The following BIRC6 variants were observed in gnomAD, a reference collection of about 807,000 sequenced individuals.
BIRC6 encodes the protein baculoviral IAP repeat containing 6.
BIRC6 carries 98 observed loss-of-function variants against 503.3 expected under a neutral mutation model. The ratio of observed to expected loss-of-function variants is 0.19; its 90% CI spans 0.17 to 0.23. The LOEUF (loss-of-function observed/expected upper bound fraction) is 0.23. Among genes scored for constraint, BIRC6 ranks in the 10% least tolerant of loss-of-function variants. The probability of loss-of-function intolerance (pLI) is 1.00; values close to 1 mark genes in which losing one functional copy is unlikely to be tolerated. For synonymous variants in BIRC6, 2,240 were observed against 2,078.7 expected (o/e 1.08, Z -2.11); for missense variants, 5,360 against 5,806.0 (o/e 0.92, Z 2.50).
At chr2:32,377,211 A>ATGTGTGTGTG (rs1288542523) in intron 1 of BIRC6, among the ~76,000 whole-genome samples, 6 of 138,218 alleles carry the variant, frequency 4.3e-5, no homozygotes, top group African/African-American at 1.7e-4. Context: ...CCCTTAATAT[A>ATGTGTGTGTG]TATGTGTGTG....
At chr2:32,391,380 G>T (rs1294458676) in intron 4 of BIRC6, among the ~76,000 whole-genome samples, 1 of 151,956 alleles carries the variant, frequency 6.6e-6, no homozygotes, top group East Asian at 1.9e-4. Context: ...TGTTTTATTG[G>T]GTAATATAAC....
chr2:32,563,277 T>TATCAGTATAAATTCTGATTTTTC lies in BIRC6; in HGVS notation c.13145-11877_13145-11855dup, dbSNP rs1217535959. On this transcript the variant is annotated intron_variant, in intron 65 of 73. Coordinates refer to ENST00000421745, the MANE Select transcript of BIRC6 (RefSeq NM_016252.4). ...ATCTTTGGGTACCTGGCTATATTTT[T>TATCAGTATAAATTCTGATTTTTC]ATCAGTATAAATTCTGATTTTTCAA... is the stretch of plus-strand genomic sequence containing the variant. The TATCAGTATAAATTCTGATTTTTC allele has an allele frequency of 2.0e-5, 3 of 152,310 alleles. No homozygotes were observed. The East Asian group carries it at 5.8e-4, about 29-fold the overall frequency. The allele number at this position is 152,310 out of a possible 1,614,324, so 9.4% of individuals were successfully genotyped here.
intron 65 of BIRC6, among the ~76,000 whole-genome samples, chr2:32,573,878 A>T (rs1364443818): frequency 6.6e-6 from 1 of 152,198 alleles, no homozygotes; most frequent in African/African-American, 2.4e-5. Context: ...CTTCATACTG[A>T]TAAATATGTT....
intron 65 of BIRC6, chr2:32,557,564 A>C (rs1248145366): frequency 2.0e-5 from 3 of 152,222 alleles, no homozygotes; most frequent in African/African-American, 7.2e-5. Flanking sequence ...AGCATCATAT[A>C]GTAATTGCTC....
chr2:32,367,579 G>A (rs1409721054), intron 1 of BIRC6, among the ~76,000 whole-genome samples: 1 of 152,102 alleles, frequency 6.6e-6, no homozygotes, highest in East Asian at 1.9e-4. Flanking sequence ...CCCAGCACTT[G>A]TGGGGCCAGG....
intron 46 of BIRC6, among the ~76,000 whole-genome samples, chr2:32,501,221 G>A (rs974807140): frequency 1.3e-5 from 2 of 152,046 alleles, no homozygotes; most frequent in African/African-American, 4.8e-5. Flanking sequence ...TTCTTTGTCA[G>A]TGTGTGAGAA....
chr2:32,609,207 A>G (rs2062682281), intron 72 of BIRC6, among the ~76,000 whole-genome samples: 1 of 152,090 alleles, frequency 6.6e-6, no homozygotes, highest in South Asian at 2.1e-4. Context: ...TTTAGGAAAA[A>G]AATTGGATGA....
chr2:32,396,945 C>T (rs1196807082), intron 6 of BIRC6, among the ~76,000 whole-genome samples: 3 of 152,030 alleles, frequency 2.0e-5, no homozygotes, highest in African/African-American at 4.8e-5. Flanking sequence ...CCAGGTTGGT[C>T]TCGAACTCCT....
rs995852318 is a variant in BIRC6 at position 32,382,289 on chromosome 2, A to G, written c.645+1999A>G. ...CTGGGACTCAGATCTCTGAAGAGAG[A>G]TGCTACTTGACTGATGGTAGTACCT... On this transcript the variant is annotated intron_variant, in intron 3 of 73. Coordinates refer to ENST00000421745, the MANE Select transcript of BIRC6 (RefSeq NM_016252.4). 3.3e-5 allele frequency among the ~76,000 whole-genome samples: 5 copies of G among 152,292 alleles called. No individual in the cohort carries two copies. The South Asian group carries it at 8.3e-4, about 25-fold the overall frequency.
Position 32,388,734 on chromosome 2 carries a change from T to G in BIRC6, c.646-16T>G. The G allele has an allele frequency of 2.6e-6, 4 of 1,557,284 alleles. No homozygotes were observed. The South Asian group carries it at 3.7e-5, about 14-fold the overall frequency. On this transcript the variant is annotated splice_polypyrimidine_tract_variant and intron_variant, in intron 3 of 73. Transcript: ENST00000421745. ...TGAGTACATTTTCCTTTGCTTATAC[T>G]CCCATTTTCTTTCAGTGGGCCACAG... is the stretch of plus-strand genomic sequence containing the variant.
chr2:32,552,006 C>T (rs577605413), intron 65 of BIRC6, among the ~76,000 whole-genome samples: 1 of 152,254 alleles, frequency 6.6e-6, no homozygotes, highest in South Asian at 2.1e-4. Context: ...ACATAATAGC[C>T]TTTTCTGAGA....
In BIRC6 at chr2:32,394,355, G is replaced by C. The variant is rs189389180; in HGVS notation, c.952-1156G>C. Among the ~76,000 whole-genome samples the C allele has an allele frequency of 1.9e-3, 287 of 152,032 alleles. 1 individual carries two copies. The highest frequency in any genetic ancestry group is 6.7e-3 in the African/African-American group (279 of 41,460). On this transcript the variant is annotated intron_variant, in intron 5 of 73. Transcript: ENST00000421745. The stretch of plus-strand genomic sequence containing the variant: ...AATATTAGTTTTCAGGTATATTTCA[G>C]TTCAGGTTTTGAAAATATATACATA...
chr2:32,371,444 A>G (rs1351521829), intron 1 of BIRC6, among the ~76,000 whole-genome samples: 3 of 151,322 alleles, frequency 2.0e-5, no homozygotes, highest in Non-Finnish European at 4.4e-5. Flanking sequence ...GTGCAATCTC[A>G]GCTCACTGCA....
chr2:32,378,736 C>T (rs1166234628), intron 2 of BIRC6, among the ~76,000 whole-genome samples: 5 of 152,172 alleles, frequency 3.3e-5, no homozygotes, highest in Admixed American at 2.0e-4. Flanking sequence ...GGATTATAGG[C>T]GTGAGCCACC....
rs2048906960 is a variant in BIRC6 at position 32,469,564 on chromosome 2, C to A, written c.6297C>A (p.Val2099=). The change falls in exon 30 of 74, where the codon GTC becomes GTA. Residue 2099 remains valine, a synonymous_variant. Transcript: ENST00000421745. The stretch of plus-strand genomic sequence containing the variant: ...GGTGGGGTCAATTTCTTTCTAATGT[C>A]CTTCAGGAATTGTACAATTCGGAAC... ...ERWWGQFLSN[V]LQELYNSEQL... 1 of 1,613,724 alleles carries A rather than the reference C, an allele frequency of 6.2e-7. No individual in the cohort carries two copies. The highest frequency in any genetic ancestry group is 1.3e-5 in the African/African-American group (1 of 74,886).
intron 20 of BIRC6, among the ~76,000 whole-genome samples, 170 bp downstream of exon 20, chr2:32,443,758 G>A (rs527377880): frequency 2.2e-4 from 33 of 152,242 alleles, no homozygotes; most frequent in African/African-American, 7.9e-4. Context: ...CATATACTCC[G>A]TCAATAGTAC....
At chr2:32,493,442 G>A in intron 44 of BIRC6, 98 bp from the exon 45 acceptor site, 1 of 1,181,788 alleles carries the variant, frequency 8.5e-7, no homozygotes, top group Non-Finnish European at 1.2e-6. Flanking sequence ...AAAAGTTACA[G>A]TGTATAGCTT....
At chr2:32,601,107 A>G (rs575052381) in intron 70 of BIRC6, among the ~76,000 whole-genome samples, 1 of 152,244 alleles carries the variant, frequency 6.6e-6, no homozygotes, top group Non-Finnish European at 1.5e-5. Flanking sequence ...GGGTTGCACA[A>G]GCTTGCACTA....
intron 37 of BIRC6, among the ~76,000 whole-genome samples, 177 bp from the exon 38 acceptor site, chr2:32,481,143 T>C (rs1031871029): frequency 1.3e-5 from 2 of 152,152 alleles, no homozygotes; most frequent in Non-Finnish European, 2.9e-5. Context: ...AAAGCAAATA[T>C]CAATGAATCT....
Sources: allele counts gnomAD v4.1 joint callset (sites outside exome capture counted in the v4.1 genomes callset), GRCh38; gene constraint gnomAD v4.1.1; transcripts MANE v1.5; gene names NCBI Gene and HGNC (gene_info 2026-07-23, HGNC 2026-07-21).